MOSMO: variants seen among roughly 807,000 people sequenced by gnomAD.
The protein encoded by MOSMO is modulator of smoothened protein.
Under a neutral mutation model 18.4 loss-of-function variants are expected in MOSMO, and 5 were observed. That is an observed-to-expected ratio of 0.27 (90% CI 0.14 to 0.57). The LOEUF (loss-of-function observed/expected upper bound fraction) is 0.57. Ranked by LOEUF, MOSMO falls within the 20% of genes least tolerant of loss-of-function variation. The probability of loss-of-function intolerance (pLI) is 0.92; values close to 1 mark genes in which losing one functional copy is unlikely to be tolerated. For synonymous variants in MOSMO, 82 were observed against 82.3 expected (o/e 1.00, Z 0.02); for missense variants, 138 against 211.8 (o/e 0.65, Z 2.16).
At chr16:22,039,747 A>G (rs1402449263) in intron 1 of MOSMO, among the ~76,000 whole-genome samples, 2 of 152,156 alleles carry the variant, frequency 1.3e-5, no homozygotes, top group Non-Finnish European at 1.5e-5. Context: ...GTGTGGTAGG[A>G]TCTATGTCTC....
At chr16:22,011,108 C>T (rs991698168) in intron 1 of MOSMO, among the ~76,000 whole-genome samples, 1 of 152,074 alleles carries the variant, frequency 6.6e-6, no homozygotes, top group African/African-American at 2.4e-5. Flanking sequence ...GCAGAGAAAG[C>T]TTGCCAACGG....
intron 1 of MOSMO, among the ~76,000 whole-genome samples, chr16:22,058,425 C>CA (rs924395309): frequency 0.019 from 1,089 of 55,910 alleles, 6 homozygotes; most frequent in Middle Eastern, 0.029. Context: ...GACTCCGTCT[C>CA]AAAAAAAAAA....
At chr16:22,024,270 G>C (rs978416836) in intron 1 of MOSMO, among the ~76,000 whole-genome samples, 2 of 151,960 alleles carry the variant, frequency 1.3e-5, no homozygotes, top group African/African-American at 4.8e-5. Flanking sequence ...GATTGAATGA[G>C]TGAAATTAGT....
chr16:22,037,614 T>G (rs571002734), intron 1 of MOSMO, among the ~76,000 whole-genome samples: 1 of 152,352 alleles, frequency 6.6e-6, no homozygotes, highest in African/African-American at 2.4e-5. Context: ...TTACCTGTGC[T>G]TCTGATCAAC....
chr16:22,013,860 C>A (rs760324544), intron 1 of MOSMO, among the ~76,000 whole-genome samples: 2 of 146,414 alleles, frequency 1.4e-5, no homozygotes, highest in Middle Eastern at 3.3e-3. Flanking sequence ...TTAAAATTGT[C>A]TAGATGGGAT....
At chr16:22,079,949 A>G (rs1283041404) in intron 2 of MOSMO, among the ~76,000 whole-genome samples, 1 of 151,832 alleles carries the variant, frequency 6.6e-6, no homozygotes, top group African/African-American at 2.4e-5. Context: ...ACGCCTGACT[A>G]ATTTTTGTAT....
chr16:22,042,860 C>A (rs376004604), intron 1 of MOSMO, among the ~76,000 whole-genome samples: 1 of 152,156 alleles, frequency 6.6e-6, no homozygotes, highest in African/African-American at 2.4e-5. Flanking sequence ...AGATAGATAA[C>A]GGAATCTCCC....
intron 1 of MOSMO, among the ~76,000 whole-genome samples, chr16:22,043,956 C>T (rs1003049036): frequency 6.6e-6 from 1 of 152,092 alleles, no homozygotes; most frequent in Non-Finnish European, 1.5e-5. Context: ...ACAATCATGG[C>T]AGAAGGTGAA....
intron 1 of MOSMO, among the ~76,000 whole-genome samples, chr16:22,026,840 G>C (rs186467455): frequency 6.6e-6 from 1 of 152,274 alleles, no homozygotes; most frequent in Admixed American, 6.5e-5. Flanking sequence ...TTGAAATTCT[G>C]CTGAGTAAAA....
At chr16:22,038,805 C>A (rs567944493) in intron 1 of MOSMO, among the ~76,000 whole-genome samples, 41 of 152,298 alleles carry the variant, frequency 2.7e-4, no homozygotes, top group African/African-American at 9.9e-4. Context: ...TGATGCCAAT[C>A]TTACAGTTAT....
At chr16:22,027,625 A>T (rs1437732866) in intron 1 of MOSMO, among the ~76,000 whole-genome samples, 9 of 152,308 alleles carry the variant, frequency 5.9e-5, no homozygotes, top group East Asian at 1.9e-4. Context: ...TTTATGAGTG[A>T]TAGGGACAGA....
At chr16:22,051,450 A>G (rs1371090963) in intron 1 of MOSMO, among the ~76,000 whole-genome samples, 1 of 152,110 alleles carries the variant, frequency 6.6e-6, no homozygotes, top group Non-Finnish European at 1.5e-5. Flanking sequence ...ACCATAAACA[A>G]AAGAAAAATA....
intron 1 of MOSMO, chr16:22,064,537 T>C (rs1900713158): frequency 2.3e-6 from 1 of 425,846 alleles, no homozygotes; most frequent in Admixed American, 2.4e-5. Flanking sequence ...AATTCCATTT[T>C]AACCTTCTAC....
chr16:22,042,656 C>T (rs967028989), intron 1 of MOSMO, among the ~76,000 whole-genome samples: 6 of 152,126 alleles, frequency 3.9e-5, no homozygotes. Context: ...CACACGGGCA[C>T]CAGAAGTTAC....
intron 1 of MOSMO, among the ~76,000 whole-genome samples, chr16:22,070,591 A>G (rs1416378262): frequency 1.3e-5 from 2 of 152,146 alleles, no homozygotes; most frequent in Admixed American, 6.5e-5. Context: ...GCCCCAGCCT[A>G]TTATGTTACT....
At chr16:22,070,889 T>C (rs1020536162) in intron 1 of MOSMO, among the ~76,000 whole-genome samples, 7 of 152,168 alleles carry the variant, frequency 4.6e-5, no homozygotes, top group African/African-American at 1.7e-4. Flanking sequence ...CAGGGCTGTG[T>C]ACACTGGGGT....
chr16:22,069,795 G>C (rs946107325), intron 1 of MOSMO, among the ~76,000 whole-genome samples: 2 of 152,122 alleles, frequency 1.3e-5, no homozygotes, highest in Non-Finnish European at 2.9e-5. Flanking sequence ...CTGGGGGCAC[G>C]GGAGGTTAGA....
At position 22,084,016 on chromosome 16, in the gene MOSMO, G is replaced by A. The variant is rs905808475; in HGVS notation, c.*3136G>A. The A allele has an allele frequency of 8.6e-6, 2 of 233,658 alleles. No homozygotes were observed. The highest frequency in any genetic ancestry group is 1.7e-5 in the Non-Finnish European group (2 of 118,902). 14.5% of individuals were successfully genotyped at this position (233,658 alleles called of 1,614,324 possible). A position where few individuals can be genotyped will look rare whatever the true frequency, so the allele number is the denominator to read the frequency against. On this transcript the variant is annotated 3_prime_UTR_variant, in exon 3 of 3. Coordinates refer to ENST00000542527, the MANE Select transcript of MOSMO (RefSeq NM_001164579.2). ...GTTCTAGATGACCAAAACACTATTG[G>A]TTTTTACCCTTTTGCCTAAAGCTTT...
At chr16:22,039,353 C>A (rs1900168467) in intron 1 of MOSMO, among the ~76,000 whole-genome samples, 1 of 152,088 alleles carries the variant, frequency 6.6e-6, no homozygotes, top group Non-Finnish European at 1.5e-5. Flanking sequence ...AATTATAATA[C>A]TTGTTAGGGA....
Sources: allele counts gnomAD v4.1 joint callset (sites outside exome capture counted in the v4.1 genomes callset), GRCh38; gene constraint gnomAD v4.1.1; transcripts MANE v1.5; gene names NCBI Gene and HGNC (gene_info 2026-07-23, HGNC 2026-07-21).